The following DOCK7 variants were observed in gnomAD, a reference collection of about 807,000 sequenced individuals.
The protein encoded by DOCK7 is dedicator of cytokinesis protein 7.
A neutral mutation model predicts 271.0 loss-of-function variants in DOCK7; 138 were observed. The ratio of observed to expected loss-of-function variants is 0.51; its 90% CI spans 0.44 to 0.59. The LOEUF is 0.59. Ranked by LOEUF, DOCK7 falls within the 20% of genes least tolerant of loss-of-function variation. DOCK7 has a pLI of 0.00. For synonymous variants in DOCK7, 823 were observed against 876.1 expected (o/e 0.94, Z 1.07); for missense variants, 2,066 against 2,592.4 (o/e 0.80, Z 4.41).
chr1:62,565,550 G>C (rs1646483470), intron 18 of DOCK7, among the ~76,000 whole-genome samples: 1 of 152,104 alleles, frequency 6.6e-6, no homozygotes, highest in Non-Finnish European at 1.5e-5. Context: ...AGGTATTGAT[G>C]GAACATATCT....
chr1:62,670,134 G>T (rs1425606373), intron 1 of DOCK7, among the ~76,000 whole-genome samples: 2 of 152,230 alleles, frequency 1.3e-5, no homozygotes, highest in African/African-American at 4.8e-5. Context: ...CACGGGGCAG[G>T]GCTCGGGACC....
In DOCK7 at chr1:62,475,570, G is replaced by A. The variant is rs550446297; in HGVS notation, c.5961+137C>T. 3.9e-5 allele frequency: 42 copies of A among 1,073,072 alleles called. No individual in the cohort carries two copies. In the South Asian group the frequency reaches 6.5e-4, roughly 17 times the overall value. 66.5% of individuals were successfully genotyped at this position (1,073,072 alleles called of 1,614,324 possible). On this transcript the variant is annotated intron_variant, in intron 46 of 49. Coordinates refer to ENST00000635253, the MANE Select transcript of DOCK7 (RefSeq NM_001367561.1). ...GGTCTTAGAAAAGAAGTAAAAAATT[G>A]AGGACTCAAAAATGGGTAAAGTTCT... is the stretch of plus-strand genomic sequence containing the variant.
intron 18 of DOCK7, among the ~76,000 whole-genome samples, chr1:62,567,669 A>C (rs989225830): frequency 2.6e-5 from 4 of 152,130 alleles, no homozygotes; most frequent in African/African-American, 9.7e-5. Context: ...CACGTTCTGC[A>C]CATGTACCCC....
At chr1:62,663,903 T>G (rs1271761107) in intron 1 of DOCK7, among the ~76,000 whole-genome samples, 3 of 152,198 alleles carry the variant, frequency 2.0e-5, no homozygotes, top group African/African-American at 7.2e-5. Flanking sequence ...AAAGGCTAAC[T>G]TCCTATTCAT....
At position 62,625,338 on chromosome 1, in the gene DOCK7, C is replaced by G. The variant is rs999577147; in HGVS notation, c.1346G>C (p.Arg449Thr). The G allele has an allele frequency of 1.9e-6, 3 of 1,613,632 alleles. No individual in the cohort carries two copies. Among genetic ancestry groups the G allele is most frequent in the Non-Finnish European group, 2.5e-6 (3 of 1,179,702 alleles). Residue 449 changes from arginine to threonine, a missense_variant, in exon 12 of 50, where the codon AGG (arginine) becomes ACG (threonine). Arg to Thr is a moderately conservative substitution (Grantham distance 71, BLOSUM62 -1). Around this residue, in one of 2 missense-constraint regions of DOCK7, gnomAD observed 1,414 missense variants for 1,670.4 expected, o/e 0.85. Coordinates refer to ENST00000635253, the MANE Select transcript of DOCK7 (RefSeq NM_001367561.1). ...ACAAGCATCATCTCCACTTGTTGTC[C>G]TTTCAAGTGATCGTCTGCCAACAAT... ...SSIVGRRSLE[R>T]TTSGDDACNL...
intron 14 of DOCK7, among the ~76,000 whole-genome samples, chr1:62,589,062 T>G (rs149946794): frequency 7.8e-4 from 119 of 152,318 alleles, no homozygotes; most frequent in African/African-American, 2.8e-3. Context: ...CATTAATTAA[T>G]TAAGGTTGCC....
intron 1 of DOCK7, 142 bp downstream of exon 1, chr1:62,688,085 C>T (rs1662043368): frequency 9.3e-7 from 1 of 1,076,714 alleles, no homozygotes; most frequent in African/African-American, 1.7e-5. Context: ...CACCCCGAAC[C>T]CCTTCCGCCC....
At chr1:62,578,135 C>T (rs983977890) in intron 17 of DOCK7, among the ~76,000 whole-genome samples, 3 of 151,878 alleles carry the variant, frequency 2.0e-5, no homozygotes, top group Non-Finnish European at 2.9e-5. Flanking sequence ...AGCTGGAAAG[C>T]ATAATTTTGA....
chr1:62,476,118 T>C lies in DOCK7; in HGVS notation c.5673A>G (p.Glu1891=). 6.2e-7 allele frequency: 1 copy of C among 1,613,422 alleles called. No individual in the cohort carries two copies. The highest frequency in any genetic ancestry group is 8.5e-7 in the Non-Finnish European group (1 of 1,179,668). Reference sequence around the variant, plus strand: ...CTACAGGATTAGAGTCTTTGATTACTTCAACCACATCCTCTCCAAATCTTT... The same window carrying C: ...CTACAGGATTAGAGTCTTTGATTACCTCAACCACATCCTCTCCAAATCTTT... ...YGERFGEDVV[E]VIKDSNPVDK... is the part of the protein sequence containing the mutation. Residue 1891 remains glutamate (E), a synonymous_variant, in exon 45 of 50, where the codon GAA becomes GAG. Transcript: ENST00000635253.
At position 62,489,266 on chromosome 1, in the gene DOCK7, G is replaced by A. The variant is rs953576756; in HGVS notation, c.5362-201C>T. On this transcript the variant is annotated intron_variant, in intron 41 of 49. Coordinates refer to ENST00000635253, the MANE Select transcript of DOCK7 (RefSeq NM_001367561.1). Reference sequence around the variant, plus strand: ...AGATCGAGACCACCCTGGCTAGCACGGTGAAACCCCGTCTCTACTAAAAAT... The same window carrying A: ...AGATCGAGACCACCCTGGCTAGCACAGTGAAACCCCGTCTCTACTAAAAAT... Among the ~76,000 whole-genome samples the A allele has an allele frequency of 4.6e-5, 7 of 152,230 alleles. No homozygotes were observed. In the East Asian group the frequency reaches 1.2e-3, roughly 25 times the overall value.
intron 1 of DOCK7, among the ~76,000 whole-genome samples, chr1:62,665,195 AC>A (rs1379840459): frequency 6.6e-6 from 1 of 151,906 alleles, no homozygotes; most frequent in South Asian, 2.1e-4. Context: ...CGCCATGTTG[AC>A]CAGGCTGGTC....
chr1:62,553,342 ATATATATATATATTTTTTTTTTTTT>A lies in DOCK7; in HGVS notation c.2597-466_2597-442del, dbSNP rs1261375501. Among the ~76,000 whole-genome samples, 46 of 33,026 alleles carry A rather than the reference ATATATATATATATTTTTTTTTTTTT, an allele frequency of 1.4e-3. 1 individual carries two copies. The South Asian group carries it at 0.015, about 11-fold the overall frequency. The allele number at this position is 33,026 out of a possible 152,430, so 21.7% of individuals were successfully genotyped here. ...TATATATATATATATATATATATAT[ATATATATATATATTTTTTTTTTTTT>A]TTTTTTTTTTTTTTTTTTAATAGGC... On this transcript the variant is annotated intron_variant, in intron 21 of 49. Transcript: ENST00000635253.
At chr1:62,515,769 G>A (rs12090886) in intron 31 of DOCK7, among the ~76,000 whole-genome samples, 87,976 of 152,084 alleles carry the variant, frequency 0.58, 27,052 homozygotes, top group East Asian at 0.76. Flanking sequence ...AGATACTCTT[G>A]AAGAAGAACA....
intron 48 of DOCK7, among the ~76,000 whole-genome samples, chr1:62,465,466 G>C (rs1274211866): frequency 8.7e-6 from 1 of 114,934 alleles, no homozygotes; most frequent in African/African-American, 3.4e-5. Flanking sequence ...TATGAATCCA[G>C]TGTAAAGAAC....
intron 7 of DOCK7, 64 bp from the exon 8 acceptor site, chr1:62,636,667 T>A (rs756146395): frequency 7.3e-7 from 1 of 1,361,926 alleles, no homozygotes. Context: ...TGGAGAGAAA[T>A]TGATTCCAAA....
intron 42 of DOCK7, 121 bp from the exon 43 acceptor site, chr1:62,487,533 A>G (rs1412981855): frequency 1.2e-6 from 1 of 829,122 alleles, no homozygotes; most frequent in East Asian, 2.5e-5. Flanking sequence ...AGGATATTTT[A>G]AACAGCATAT....
intron 21 of DOCK7, among the ~76,000 whole-genome samples, chr1:62,554,530 C>T (rs1646074462): frequency 7.0e-6 from 1 of 141,912 alleles, no homozygotes; most frequent in African/African-American, 2.6e-5. Flanking sequence ...TGACTAAAAT[C>T]AAGCCTAACA....
intron 1 of DOCK7, among the ~76,000 whole-genome samples, chr1:62,683,771 C>T (rs1038824459): frequency 6.6e-6 from 1 of 151,624 alleles, no homozygotes; most frequent in Non-Finnish European, 1.5e-5. Context: ...CCCGTCTCTA[C>T]AAAAAGTGCA....
chr1:62,529,554 T>G, intron 29 of DOCK7, 108 bp from the exon 30 acceptor site: 1 of 763,538 alleles, frequency 1.3e-6, no homozygotes. Context: ...TTTTGTTCAA[T>G]TTCTTACCTT....
Sources: allele counts gnomAD v4.1 joint callset (sites outside exome capture counted in the v4.1 genomes callset), GRCh38; gene constraint gnomAD v4.1.1; regional missense constraint gnomAD v4.1.1; transcripts MANE v1.5; gene names NCBI Gene and HGNC (gene_info 2026-07-23, HGNC 2026-07-21).